MATN2: variants seen among roughly 807,000 people sequenced by gnomAD.
MATN2 encodes matrilin 2, also known as matrilin-2.
In MATN2, 69 loss-of-function variants were observed where a neutral mutation model predicts 103.2. That is an observed-to-expected ratio of 0.67 (90% confidence interval 0.55 to 0.82). MATN2 has a LOEUF of 0.82. Among genes scored for constraint, MATN2 ranks in the 40% least tolerant of loss-of-function variants. MATN2 has a pLI of 0.00. For synonymous variants in MATN2, 429 were observed against 450.2 expected (o/e 0.95, Z 0.60); for missense variants, 1,023 against 1,211.5 (o/e 0.84, Z 2.31).
chr8:97,968,512 C>A (rs1181218563), intron 5 of MATN2, among the ~76,000 whole-genome samples: 1 of 152,178 alleles, frequency 6.6e-6, no homozygotes, highest in South Asian at 2.1e-4. Context: ...GGCTTGAATG[C>A]TTTGCTGTTT....
At chr8:97,964,006 T>C (rs1329935705) in intron 5 of MATN2, among the ~76,000 whole-genome samples, 1 of 152,038 alleles carries the variant, frequency 6.6e-6, no homozygotes, top group African/African-American at 2.4e-5. Context: ...GACATCCTAA[T>C]GGCTAGGCTG....
At chr8:97,941,937 T>C in intron 4 of MATN2, 38 bp downstream of exon 4, 1 of 1,605,634 alleles carries the variant, frequency 6.2e-7, no homozygotes. Context: ...GGTTTCTTCC[T>C]ATTCCCTCAT....
At chr8:97,948,890 G>C (rs1429106350) in intron 4 of MATN2, among the ~76,000 whole-genome samples, 4 of 152,228 alleles carry the variant, frequency 2.6e-5, no homozygotes, top group African/African-American at 9.6e-5. Context: ...GAAAACATTT[G>C]CTCTTCAGTA....
At chr8:98,010,194 T>C (rs1813110656) in intron 10 of MATN2, among the ~76,000 whole-genome samples, 1 of 152,128 alleles carries the variant, frequency 6.6e-6, no homozygotes, top group African/African-American at 2.4e-5. Context: ...GCCTGGTGCC[T>C]TCCAGCCCAT....
chr8:97,941,757 TC>T lies in MATN2; in HGVS notation c.713-18del. 1 of 1,566,494 alleles carries T rather than the reference TC, an allele frequency of 6.4e-7. No individual in the cohort carries two copies. Among genetic ancestry groups the T allele is most frequent in the African/African-American group, 1.4e-5 (1 of 73,968 alleles). Reference sequence around the variant, plus strand: ...AAAGGGCATCACTGTTGACTTACCTTCCTGTGTCTTCCCTTTCAGCGGCCCA... The same window carrying T: ...AAAGGGCATCACTGTTGACTTACCTTCTGTGTCTTCCCTTTCAGCGGCCCA... On this transcript the variant is annotated intron_variant, in intron 3 of 18. Transcript: ENST00000254898.
Position 98,005,260 on chromosome 8 carries a change from G to A in MATN2, c.1327+1477G>A, listed in dbSNP as rs1267061570. Among the ~76,000 whole-genome samples, 1 of 152,238 alleles carries A rather than the reference G, an allele frequency of 6.6e-6. No individual in the cohort carries two copies. Among genetic ancestry groups the A allele is most frequent in the African/African-American group, 2.4e-5 (1 of 41,462 alleles). On this transcript the variant is annotated intron_variant, in intron 8 of 18. Transcript: ENST00000254898. The surrounding 1 kb of genome is among the most constrained non-coding windows in gnomAD (Gnocchi z 4.6). ...TTTTGAACTGGAAAGTGGTGCCAAA[G>A]TCAGTGCCTGCTGTACGTTGCCTCT...
chr8:97,936,319 G>A (rs1810367297), intron 3 of MATN2, among the ~76,000 whole-genome samples: 1 of 152,038 alleles, frequency 6.6e-6, no homozygotes, highest in Non-Finnish European at 1.5e-5. Context: ...CTGGTATTTT[G>A]GAGCAGGGAG....
At chr8:97,890,799 C>G (rs1818602820) in intron 2 of MATN2, among the ~76,000 whole-genome samples, 1 of 152,176 alleles carries the variant, frequency 6.6e-6, no homozygotes, top group African/African-American at 2.4e-5. Flanking sequence ...ATGGATTTTA[C>G]TGGTTATTTG....
At chr8:97,965,284 G>C (rs943146018) in intron 5 of MATN2, among the ~76,000 whole-genome samples, 1 of 152,158 alleles carries the variant, frequency 6.6e-6, no homozygotes, top group Non-Finnish European at 1.5e-5. Flanking sequence ...CTCTGAAAAA[G>C]AGCCACCGAA....
In MATN2 at chr8:97,931,578, A is replaced by G. The variant is rs1039698380; in HGVS notation, c.712+56A>G. 2.0e-6 allele frequency: 3 copies of G among 1,466,488 alleles called. No individual in the cohort carries two copies. The highest frequency in any genetic ancestry group is 1.8e-6 in the Non-Finnish European group (2 of 1,089,640). 90.8% of individuals were successfully genotyped at this position (1,466,488 alleles called of 1,614,324 possible). Reference sequence around the variant, plus strand: ...AGGAACCACTAGAATTCATTCATTCATCTTCAAGTGTTCATTCTGTGTTAC... The same window carrying G: ...AGGAACCACTAGAATTCATTCATTCGTCTTCAAGTGTTCATTCTGTGTTAC... On this transcript the variant is annotated intron_variant, in intron 3 of 18. Coordinates refer to ENST00000254898, the MANE Select transcript of MATN2 (RefSeq NM_002380.5). The surrounding 1 kb of genome is among the most constrained non-coding windows in gnomAD (Gnocchi z 4.1).
intron 2 of MATN2, among the ~76,000 whole-genome samples, chr8:97,902,205 A>C (rs2512060): frequency 0.99 from 149,372 of 150,226 alleles, 74,291 homozygotes; most frequent in Non-Finnish European, 1. Context: ...CAAAAAGTAC[A>C]CAGTGTTAGG....
chr8:98,031,866 C>T (rs1814033185), intron 15 of MATN2: 1 of 159,702 alleles, frequency 6.3e-6, no homozygotes, highest in Admixed American at 6.4e-5. Flanking sequence ...TTTCAGATTT[C>T]TGAGTAGAGA....
intron 3 of MATN2, 22 bp from the exon 4 acceptor site, chr8:97,941,755 C>T (rs779254707): frequency 2.6e-6 from 4 of 1,564,232 alleles, no homozygotes; most frequent in African/African-American, 1.4e-5. Flanking sequence ...GTTGACTTAC[C>T]TTCCTGTGTC....
At chr8:97,893,859 T>C (rs963683048) in intron 2 of MATN2, among the ~76,000 whole-genome samples, 3 of 152,142 alleles carry the variant, frequency 2.0e-5, no homozygotes, top group African/African-American at 7.2e-5. Flanking sequence ...GTATTCTTGA[T>C]TCCCTCCACT....
At position 97,961,545 on chromosome 8, in the gene MATN2, A is replaced by G. The variant is rs543927852; in HGVS notation, c.958+15A>G. On this transcript the variant is annotated intron_variant, in intron 5 of 18. Transcript: ENST00000254898. ...GAGGTGTGTGGGTGAGTATCCCTCC[A>G]GCTGGGCTTGGTAGGGAAGGACAAG... is the stretch of plus-strand genomic sequence containing the variant. The G allele has an allele frequency of 1.2e-6, 2 of 1,601,338 alleles. No individual in the cohort carries two copies. Among genetic ancestry groups the G allele is most frequent in the Admixed American group, 1.7e-5 (1 of 58,820 alleles).
chr8:97,971,533 TCC>T (rs1245179806), intron 5 of MATN2, among the ~76,000 whole-genome samples: 13 of 152,296 alleles, frequency 8.5e-5, no homozygotes, highest in Non-Finnish European at 1.5e-5. Context: ...TTTAGTGGAG[TCC>T]CTGAATTTAT....
intron 3 of MATN2, among the ~76,000 whole-genome samples, chr8:97,939,068 G>T (rs1484077332): frequency 6.6e-6 from 1 of 151,422 alleles, no homozygotes; most frequent in Non-Finnish European, 1.5e-5. Flanking sequence ...GTAGAGACAG[G>T]GTTTCACCAT....
rs1245865006 is a variant in MATN2 at position 97,941,797 on chromosome 8, C to A, written c.733C>A (p.Leu245Met). ...TTCAGCGGCCCATATGTGCAGCACC[C>A]TGGAGCATAACTGTGCCCACTTCTG... is the stretch of plus-strand genomic sequence containing the variant. ...KLCTAHMCSTLEHNCAHFCIN... is the reference protein window; with the variant it reads ...KLCTAHMCSTMEHNCAHFCIN... The change falls in exon 4 of 19, where the codon CTG becomes ATG. Residue 245 changes from leucine (L) to methionine (M), a missense_variant. By Grantham distance (15) the Leu-to-Met change is conservative. Coordinates refer to ENST00000254898, the MANE Select transcript of MATN2 (RefSeq NM_002380.5). 1 of 1,604,734 alleles carries A rather than the reference C, an allele frequency of 6.2e-7. No homozygotes were observed. The highest frequency in any genetic ancestry group is 8.5e-7 in the Non-Finnish European group (1 of 1,175,628).
chr8:97,907,357 G>A (rs1239804037), intron 2 of MATN2, among the ~76,000 whole-genome samples: 1 of 145,022 alleles, frequency 6.9e-6, no homozygotes, highest in Non-Finnish European at 1.5e-5. Context: ...TTTCCTCCAG[G>A]CTGGAGTGCA....
Sources: gnomAD v4.1 joint callset for allele counts (sites outside exome capture counted in the v4.1 genomes callset) on GRCh38, gnomAD v4.1.1 for gene constraint, Gnocchi (gnomAD v3.1) non-coding constraint, MANE v1.5 for transcripts, NCBI Gene and HGNC (gene_info 2026-07-23, HGNC 2026-07-21) for gene names.